Variants in PDGFRA observed in about 807,000 individuals in gnomAD.
The protein encoded by PDGFRA is platelet-derived growth factor receptor alpha.
In PDGFRA, 25 loss-of-function variants were observed where a neutral mutation model predicts 121.5. The ratio of observed to expected loss-of-function variants is 0.21; its 90% confidence interval spans 0.15 to 0.29. The LOEUF (loss-of-function observed/expected upper bound fraction) is 0.29. Ranked by LOEUF, PDGFRA falls within the 10% of genes least tolerant of loss-of-function variation. The pLI is 1.00. For missense variants in PDGFRA, 1,008 were observed against 1,345.1 expected (o/e 0.75, Z 3.92); for synonymous variants, 463 against 494.8 (o/e 0.94, Z 0.85).
At chr4:54,271,442 A>G (rs1577720528) in intron 8 of PDGFRA, among the ~76,000 whole-genome samples, 1 of 152,322 alleles carries the variant, frequency 6.6e-6, no homozygotes, top group East Asian at 1.9e-4. Flanking sequence ...GCTGCTTTAG[A>G]TTATACTTTA....
At chr4:54,236,010 A>G (rs1323894680) in intron 1 of PDGFRA, among the ~76,000 whole-genome samples, 1 of 152,214 alleles carries the variant, frequency 6.6e-6, no homozygotes, top group Non-Finnish European at 1.5e-5. Flanking sequence ...AGGATGGTGG[A>G]AAAGCACAAG....
intron 12 of PDGFRA, chr4:54,277,085 C>T: frequency 2.3e-6 from 1 of 435,456 alleles, no homozygotes; most frequent in Non-Finnish European, 4.2e-6. Context: ...AAGAGGATCC[C>T]AGGGGCTGGC....
chr4:54,261,300 G>A lies in PDGFRA; in HGVS notation c.255G>A (p.Leu85=), dbSNP rs772413636. ...ACAGCGGCCTTTTTGTGACGGTCTT[G>A]GAAGTGAGCAGTGCCTCGGCGGCCC... The part of the protein sequence containing the change: ...ENNSGLFVTV[L]EVSSASAAHT... Residue 85 remains leucine, a synonymous_variant, in exon 3 of 23, where the codon TTG becomes TTA. Coordinates refer to ENST00000257290, the MANE Select transcript of PDGFRA (RefSeq NM_006206.6). 1.2e-6 allele frequency: 2 copies of A among 1,614,076 alleles called. No homozygotes were observed. Among genetic ancestry groups the A allele is most frequent in the African/African-American group, 1.3e-5 (1 of 75,004 alleles).
At chr4:54,278,810 A>G in intron 15 of PDGFRA, 1 of 547,466 alleles carries the variant, frequency 1.8e-6, no homozygotes, top group South Asian at 1.5e-5. Context: ...TTAGACCTAT[A>G]AAATGCAGCT....
chr4:54,267,564 T>A lies in PDGFRA; in HGVS notation c.944T>A (p.Ile315Asn). 1 of 1,614,206 alleles carries A rather than the reference T, an allele frequency of 6.2e-7. No individual in the cohort carries two copies. Among genetic ancestry groups the A allele is most frequent in the Non-Finnish European group, 8.5e-7 (1 of 1,180,036 alleles). The change falls in exon 7 of 23, where the codon ATT becomes AAT. Residue 315 changes from isoleucine to asparagine, a missense_variant. By Grantham distance (149) the Ile-to-Asn change is moderately radical. Transcript: ENST00000257290. ...CTTCCCTGTACAGAGAAAGGTTTCA[T>A]TGAAATCAAACCCACCTTCAGCCAG... ...VTISVHEKGF[I>N]EIKPTFSQLE...
Position 54,272,427 on chromosome 4 carries a change from A to T in PDGFRA, c.1271A>T (p.His424Leu). ...TCCATTCTGGACTTGGTCGATGATCACCATGGCTCAACTGGGGGACAGACG... is the reference window on the plus strand; with the variant it reads ...TCCATTCTGGACTTGGTCGATGATCTCCATGGCTCAACTGGGGGACAGACG... Reference protein sequence around the residue: ...PSSILDLVDDHHGSTGGQTVR... With the variant: ...PSSILDLVDDLHGSTGGQTVR... Residue 424 changes from histidine to leucine, a missense_variant, in exon 9 of 23, where the codon CAC (histidine) becomes CTC (leucine). Physicochemically the swap from His to Leu is moderately conservative, Grantham distance 99. Coordinates refer to ENST00000257290, the MANE Select transcript of PDGFRA (RefSeq NM_006206.6). 6.2e-7 allele frequency: 1 copy of T among 1,614,048 alleles called. No homozygotes were observed. The highest frequency in any genetic ancestry group is 1.1e-5 in the South Asian group (1 of 91,084).
rs1445886462 is a variant in PDGFRA at position 54,296,618 on chromosome 4, G to A, written c.*1346G>A. Reference sequence around the variant, plus strand: ...TGGCAGCCAGGATGACTAGATCCTGGGTTTCCATCCTTGAGATTCTGAAGT... The same window carrying A: ...TGGCAGCCAGGATGACTAGATCCTGAGTTTCCATCCTTGAGATTCTGAAGT... On this transcript the variant is annotated 3_prime_UTR_variant, in exon 23 of 23. Coordinates refer to ENST00000257290, the MANE Select transcript of PDGFRA (RefSeq NM_006206.6). 4.3e-6 allele frequency: 1 copy of A among 232,468 alleles called. No individual in the cohort carries two copies. The highest frequency in any genetic ancestry group is 8.5e-6 in the Non-Finnish European group (1 of 117,706). The allele number at this position is 232,468 out of a possible 1,614,324, so 14.4% of individuals were successfully genotyped here. A position where few individuals can be genotyped will look rare whatever the true frequency, so the allele number is the denominator to read the frequency against.
chr4:54,262,602 G>A (rs577445007), intron 3 of PDGFRA, among the ~76,000 whole-genome samples: 1 of 151,986 alleles, frequency 6.6e-6, no homozygotes, highest in South Asian at 2.1e-4. Context: ...CTATAACTAC[G>A]AGTGTCCCCA....
rs563485743 is a variant in PDGFRA, at chr4:54,277,084, C to T, written c.1787-304C>T. The T allele has an allele frequency of 6.9e-6, 3 of 433,210 alleles. No individual in the cohort carries two copies. The South Asian group carries it at 7.2e-5, about 10-fold the overall frequency. 26.8% of individuals were successfully genotyped at this position (433,210 alleles called of 1,614,324 possible). ...TGAGAGCCCCGAAGGCAAGAGGATC[C>T]CAGGGGCTGGCCCAGCACGGAGCTG... On this transcript the variant is annotated intron_variant, in intron 12 of 22. Transcript: ENST00000257290.
At chr4:54,274,674 A>G (rs1487900431) in intron 11 of PDGFRA, 49 bp downstream of exon 11, 1 of 1,512,524 alleles carries the variant, frequency 6.6e-7, no homozygotes. Flanking sequence ...AATGAGAACA[A>G]GCATAGCAAC....
intron 10 of PDGFRA, among the ~76,000 whole-genome samples, chr4:54,273,970 C>T (rs1172023263): frequency 6.6e-6 from 1 of 152,210 alleles, no homozygotes; most frequent in African/African-American, 2.4e-5. Flanking sequence ...CAACCTCTAC[C>T]TAGGACGTTG....
chr4:54,271,307 G>A (rs762767096), intron 8 of PDGFRA, among the ~76,000 whole-genome samples: 1 of 152,260 alleles, frequency 6.6e-6, no homozygotes, highest in African/African-American at 2.4e-5. Context: ...TCTGAGGTGC[G>A]CTCATGTGAT....
chr4:54,263,795 G>C lies in PDGFRA; in HGVS notation c.496G>C (p.Gly166Arg), dbSNP rs2110252173. ...TCCTGTAACCTTACACAACAGTGAG[G>C]GGGTGGTACCTGCCTCCTACGACAG... Reference protein sequence around the residue: ...ETPVTLHNSEGVVPASYDSRQ... With the variant: ...ETPVTLHNSERVVPASYDSRQ... Residue 166 changes from glycine (G) to arginine (R), a missense_variant, in exon 4 of 23, where the codon GGG becomes CGG. Around this residue, in one of 5 missense-constraint regions of PDGFRA, gnomAD observed 575 missense variants for 701.8 expected, o/e 0.82. Coordinates refer to ENST00000257290, the MANE Select transcript of PDGFRA (RefSeq NM_006206.6). 1 of 1,614,050 alleles carries C rather than the reference G, an allele frequency of 6.2e-7. No homozygotes were observed. The highest frequency in any genetic ancestry group is 1.1e-5 in the South Asian group (1 of 91,074).
At chr4:54,258,726 T>A (rs768477862) in intron 1 of PDGFRA, 31 bp from the exon 2 acceptor site, 1 of 1,385,130 alleles carries the variant, frequency 7.2e-7, no homozygotes, top group Admixed American at 1.7e-5. Flanking sequence ...TATTTGCTAA[T>A]GCTGTTTCTG....
intron 1 of PDGFRA, among the ~76,000 whole-genome samples, chr4:54,244,409 C>A (rs181948514): frequency 1.3e-5 from 2 of 152,046 alleles, no homozygotes; most frequent in Non-Finnish European, 2.9e-5. Context: ...TTGCGGTTCA[C>A]GAAAATCTGC....
intron 1 of PDGFRA, among the ~76,000 whole-genome samples, chr4:54,243,925 G>A (rs1204283661): frequency 6.6e-6 from 1 of 152,210 alleles, no homozygotes; most frequent in Admixed American, 6.5e-5. Context: ...CCCGCACATG[G>A]CTCAGAGGGT....
At position 54,270,613 on chromosome 4, in the gene PDGFRA, C is replaced by A. The variant is rs1452314827; in HGVS notation, c.1122-20C>A. The A allele has an allele frequency of 1.4e-6, 2 of 1,414,576 alleles. No individual in the cohort carries two copies. Among genetic ancestry groups the A allele is most frequent in the Admixed American group, 3.3e-5 (2 of 59,764 alleles). 87.6% of individuals were successfully genotyped at this position (1,414,576 alleles called of 1,614,324 possible). ...CTTACTTAGCTACTGCTTGTTGAAA[C>A]AAAATCCTTTTTTTAAAAGGTATCG... On this transcript the variant is annotated intron_variant, in intron 7 of 22. Coordinates refer to ENST00000257290, the MANE Select transcript of PDGFRA (RefSeq NM_006206.6).
intron 1 of PDGFRA, among the ~76,000 whole-genome samples, chr4:54,247,504 T>C (rs1286146906): frequency 2.0e-5 from 3 of 152,006 alleles, no homozygotes; most frequent in Admixed American, 6.6e-5. Flanking sequence ...AAAAGGCCTT[T>C]GACAAAATTC....
intron 10 of PDGFRA, among the ~76,000 whole-genome samples, chr4:54,274,059 C>G (rs999977506): frequency 2.0e-5 from 3 of 152,186 alleles, no homozygotes; most frequent in African/African-American, 7.2e-5. Flanking sequence ...GCTACAGTCT[C>G]TACTTTGAAT....
Sources: gnomAD v4.1 joint callset for allele counts (sites outside exome capture counted in the v4.1 genomes callset) on GRCh38, gnomAD v4.1.1 for gene constraint, gnomAD v4.1.1 regional missense constraint, MANE v1.5 for transcripts, NCBI Gene and HGNC (gene_info 2026-07-23, HGNC 2026-07-21) for gene names.